Variants in DISC1 observed in about 807,000 individuals in gnomAD.
DISC1 encodes the protein DISC1 scaffold protein.
In DISC1, 57 loss-of-function variants were observed where a neutral mutation model predicts 84.5. That is an observed-to-expected ratio of 0.67 (90% CI 0.55 to 0.84). The LOEUF is 0.84. Among genes scored for constraint, DISC1 ranks in the 40% least tolerant of loss-of-function variants. DISC1 has a pLI of 0.00. For synonymous variants in DISC1, 411 were observed against 415.2 expected, an observed-to-expected ratio of 0.99 and a Z score of 0.12; for missense variants, 1,000 against 1,057.8, an observed-to-expected ratio of 0.95 and a Z score of 0.76.
intron 3 of DISC1, chr1:231,745,516 T>C (rs2073882456): frequency 9.7e-6 from 2 of 207,058 alleles, no homozygotes; most frequent in South Asian, 5.5e-5. Context: ...GCCACCGCGC[T>C]CAGCCTAAAC....
In DISC1 at chr1:231,693,969, G is replaced by T. The variant is rs149444280; in HGVS notation, c.211G>T (p.Val71Leu). Reference protein sequence around the residue: ...VGTLFRFPGGVSGEESHHSES... With the variant: ...VGTLFRFPGGLSGEESHHSES... Reference sequence around the variant, plus strand: ...CACACTGTTCCGGTTCCCAGGAGGGGTGTCTGGCGAGGAGTCCCACCACTC... The same window carrying T: ...CACACTGTTCCGGTTCCCAGGAGGGTTGTCTGGCGAGGAGTCCCACCACTC... The change falls in exon 2 of 13, where the codon GTG (valine) becomes TTG (leucine). Residue 71 changes from valine (V) to leucine (L), a missense_variant. Val to Leu is a conservative substitution (Grantham distance 32, BLOSUM62 1). Around this residue, in one of 3 missense-constraint regions of DISC1, gnomAD observed 292 missense variants for 280.2 expected, o/e 1.04. Coordinates refer to ENST00000439617, the MANE Select transcript of DISC1 (RefSeq NM_018662.3). The T allele has an allele frequency of 6.9e-4, 1,106 of 1,614,094 alleles. 6 individuals carry two copies. The African/African-American group carries it at 0.012, about 17-fold the overall frequency.
chr1:231,771,685 C>T (rs1284474318), intron 6 of DISC1: 2 of 654,424 alleles, frequency 3.1e-6, no homozygotes, highest in African/African-American at 2.0e-5. Flanking sequence ...CTGATATTTA[C>T]ACTCCTGTTC....
intron 7 of DISC1, among the ~76,000 whole-genome samples, chr1:231,797,221 CTG>C (rs2078831879): frequency 6.6e-6 from 1 of 152,140 alleles, no homozygotes; most frequent in Non-Finnish European, 1.5e-5. Context: ...GTGTATGACA[CTG>C]TATATTGTGG....
chr1:231,915,558 C>T (rs1027832159), intron 9 of DISC1, among the ~76,000 whole-genome samples: 1 of 152,096 alleles, frequency 6.6e-6, no homozygotes, highest in African/African-American at 2.4e-5. Flanking sequence ...CTGAGGTGGG[C>T]GGATCACCTG....
At chr1:231,728,091 T>C (rs76682413) in intron 3 of DISC1, among the ~76,000 whole-genome samples, 1 of 152,226 alleles carries the variant, frequency 6.6e-6, no homozygotes, top group East Asian at 1.9e-4. Flanking sequence ...GATTTTTTTT[T>C]CGTATGCTAG....
chr1:231,841,491 T>C (rs6541288), intron 9 of DISC1, among the ~76,000 whole-genome samples: 5,128 of 152,322 alleles, frequency 0.034, 202 homozygotes, highest in African/African-American at 0.099. Flanking sequence ...ATCCAGCTCA[T>C]TGGTCAGTGT....
At chr1:231,935,174 G>A (rs1056511810) in intron 9 of DISC1, among the ~76,000 whole-genome samples, 1 of 152,202 alleles carries the variant, frequency 6.6e-6, no homozygotes, top group African/African-American at 2.4e-5. Context: ...GGCATGTCGT[G>A]AGTGTTTAAT....
At chr1:231,882,682 G>T (rs1274342476) in intron 9 of DISC1, among the ~76,000 whole-genome samples, 3 of 152,134 alleles carry the variant, frequency 2.0e-5, no homozygotes, top group African/African-American at 7.2e-5. Context: ...AGGTCAGAAA[G>T]GTTTAATCAC....
chr1:231,776,332 T>C (rs2076962245), intron 6 of DISC1, among the ~76,000 whole-genome samples: 1 of 152,256 alleles, frequency 6.6e-6, no homozygotes, highest in Non-Finnish European at 1.5e-5. Context: ...CCTCGGATTT[T>C]TCATGCTTCA....
intron 9 of DISC1, among the ~76,000 whole-genome samples, chr1:231,934,533 G>GTAGA (rs1301791232): frequency 3.3e-5 from 5 of 152,174 alleles, no homozygotes. Context: ...GCAAATCACA[G>GTAGA]TAGAAATATG....
At chr1:232,026,361 C>G in intron 11 of DISC1, 74 bp from the exon 12 acceptor site, 1 of 1,030,664 alleles carries the variant, frequency 9.7e-7, no homozygotes, top group Non-Finnish European at 1.5e-6. Context: ...AGAGCTCTTT[C>G]CAGGAAGCTT....
intron 1 of DISC1, among the ~76,000 whole-genome samples, chr1:231,667,024 G>A (rs865818615): frequency 2.6e-5 from 4 of 152,190 alleles, no homozygotes; most frequent in Non-Finnish European, 4.4e-5. Flanking sequence ...TTCAAAGCAA[G>A]TAAACCAGCT....
At chr1:231,748,164 G>A (rs933768371) in intron 3 of DISC1, among the ~76,000 whole-genome samples, 2 of 152,102 alleles carry the variant, frequency 1.3e-5, no homozygotes, top group African/African-American at 4.8e-5. Flanking sequence ...CTAGATATAA[G>A]AGCATGCCAT....
intron 1 of DISC1, among the ~76,000 whole-genome samples, chr1:231,634,680 GTTTA>G (rs1366149958): frequency 6.6e-6 from 1 of 152,120 alleles, no homozygotes; most frequent in Non-Finnish European, 1.5e-5. Flanking sequence ...CTTCCATTGT[GTTTA>G]TTTATTCATT....
intron 9 of DISC1, among the ~76,000 whole-genome samples, chr1:231,857,254 C>T (rs1445926033): frequency 6.6e-6 from 1 of 152,190 alleles, no homozygotes; most frequent in Non-Finnish European, 1.5e-5. Context: ...CAATGTCAGC[C>T]CCACTTTCCC....
chr1:231,923,048 C>A (rs150330594), intron 9 of DISC1, among the ~76,000 whole-genome samples: 1 of 151,962 alleles, frequency 6.6e-6, no homozygotes, highest in African/African-American at 2.4e-5. Context: ...GAGGCCGAGG[C>A]GGGCAGATCA....
intron 1 of DISC1, among the ~76,000 whole-genome samples, chr1:231,677,144 T>C (rs1168131021): frequency 1.3e-5 from 2 of 152,218 alleles, no homozygotes; most frequent in African/African-American, 2.4e-5. Context: ...TGCCTACAGC[T>C]TAGATGATAT....
chr1:231,664,519 T>C (rs2061842831), intron 1 of DISC1, among the ~76,000 whole-genome samples: 1 of 152,104 alleles, frequency 6.6e-6, no homozygotes, highest in Non-Finnish European at 1.5e-5. Context: ...GTGAACCCAA[T>C]GTAATCATAG....
intron 6 of DISC1, among the ~76,000 whole-genome samples, chr1:231,792,198 T>G (rs2125594415): frequency 6.6e-6 from 1 of 152,310 alleles, no homozygotes; most frequent in East Asian, 1.9e-4. Context: ...TAATTATAAA[T>G]CAAATTAAAT....
Sources: gnomAD v4.1 joint callset for allele counts (sites outside exome capture counted in the v4.1 genomes callset) on GRCh38, gnomAD v4.1.1 for gene constraint, gnomAD v4.1.1 regional missense constraint, MANE v1.5 for transcripts, NCBI Gene and HGNC (gene_info 2026-07-23, HGNC 2026-07-21) for gene names.